Variants in CD36 observed in about 807,000 individuals in gnomAD.
CD36 encodes platelet glycoprotein 4.
A neutral mutation model predicts 55.2 loss-of-function variants in CD36; 119 were observed. That is an observed-to-expected ratio of 2.15 (90% CI 1.86 to 2.51). The LOEUF (loss-of-function observed/expected upper bound fraction) is 2.51. Ranked by LOEUF, CD36 falls within the 30% of genes most tolerant of loss-of-function variation. CD36 has a pLI of 0.00. For synonymous variants in CD36, 186 were observed against 193.6 expected, an observed-to-expected ratio of 0.96 and a Z score of 0.33; for missense variants, 819 against 555.5, an observed-to-expected ratio of 1.47 and a Z score of -4.77.
At chr7:80,659,727 A>T (rs3211883) in intron 4 of CD36, among the ~76,000 whole-genome samples, 114,664 of 152,006 alleles carry the variant, frequency 0.75, 46,434 homozygotes, top group Middle Eastern at 0.91. Context: ...TTGTTTTAAT[A>T]TATGGGCATA....
chr7:80,677,828 A>G lies in CD36; in HGVS notation c.*1445A>G, dbSNP rs1798207451. 1 of 152,212 alleles carries G rather than the reference A, an allele frequency of 6.6e-6. No individual in the cohort carries two copies. Among genetic ancestry groups the G allele is most frequent in the Non-Finnish European group, 1.5e-5 (1 of 68,048 alleles). The allele number at this position is 152,212 out of a possible 1,614,324, so 9.4% of individuals were successfully genotyped here. On this transcript the variant is annotated 3_prime_UTR_variant, in exon 15 of 15. Transcript: ENST00000447544. ...ATTGACCTGTATATTATGACTAATCATGACTCAGATCTTAATACAGGGATG... is the reference window on the plus strand; with the variant it reads ...ATTGACCTGTATATTATGACTAATCGTGACTCAGATCTTAATACAGGGATG...
chr7:80,620,100 T>C (rs1220881774), intron 1 of CD36, among the ~76,000 whole-genome samples: 2 of 151,872 alleles, frequency 1.3e-5, no homozygotes, highest in Admixed American at 1.3e-4. Context: ...AAAAACTTTC[T>C]AAACCATGTT....
intron 1 of CD36, among the ~76,000 whole-genome samples, chr7:80,604,987 T>A (rs1408052244): frequency 1.3e-5 from 2 of 152,114 alleles, no homozygotes; most frequent in Admixed American, 1.3e-4. Context: ...GCAAATGCCA[T>A]TGCAAGATCT....
In CD36 at chr7:80,663,034, C is replaced by T. The variant is rs773093201; in HGVS notation, c.474C>T (p.Leu158=). ...IYQNQFVQMI[L]NSLINKSKSS... ...AAAATCAATTTGTTCAAATGATCCT[C>T]AATTCACTTATTAACAAGTCAAAAT... Residue 158 remains leucine, a synonymous_variant, in exon 6 of 15, where the codon CTC becomes CTT. Transcript: ENST00000447544. 8 of 1,613,278 alleles carry T rather than the reference C, an allele frequency of 5.0e-6. No individual in the cohort carries two copies. Among genetic ancestry groups the T allele is most frequent in the Non-Finnish European group, 6.8e-6 (8 of 1,179,576 alleles).
At chr7:80,603,039 C>A (rs1419236427) in intron 1 of CD36, among the ~76,000 whole-genome samples, 2 of 151,984 alleles carry the variant, frequency 1.3e-5, no homozygotes, top group African/African-American at 4.8e-5. Context: ...TAGAAATTTT[C>A]TTGAGTGTGG....
At chr7:80,636,750 G>A (rs1371329638), upstream of CD36, 1 of 152,048 alleles carries the variant, frequency 6.6e-6, no homozygotes, top group African/African-American at 2.4e-5. Context: ...AATGGGTACA[G>A]CATTTTGCTA....
rs1471603413 is a variant in CD36 at position 80,672,047 on chromosome 7, A to C, written c.1125+7A>C. The C allele has an allele frequency of 6.3e-7, 1 of 1,599,390 alleles. No homozygotes were observed. The highest frequency in any genetic ancestry group is 2.2e-5 in the East Asian group (1 of 44,584). On this transcript the variant is annotated splice_region_variant and intron_variant, in intron 11 of 14. Transcript: ENST00000447544. The stretch of plus-strand genomic sequence containing the variant: ...ATACTTGGATATTGAACCTGTAAGA[A>C]AACACCTTATTGATCTGATTTGGTT...
chr7:80,663,151 A>T lies in CD36; in HGVS notation c.591A>T (p.Thr197=), dbSNP rs141680676. 1,636 of 1,613,532 alleles carry T rather than the reference A, an allele frequency of 1.0e-3. 7 individuals carry two copies. Among genetic ancestry groups the T allele is most frequent in the Non-Finnish European group, 8.4e-4 (987 of 1,179,596 alleles). ...LSLVPYPVTT[T]VGLFYPYNNT... ...TGGTTCCGTACCCTGTTACTACCAC[A>T]GTTGGTCTGTTTTATCCTGTAAGTA... is the stretch of plus-strand genomic sequence containing the variant. The change falls in exon 6 of 15, where the codon ACA becomes ACT. Residue 197 remains threonine (T), a synonymous_variant. Transcript: ENST00000447544.
intron 11 of CD36, 44 bp from the exon 12 acceptor site, chr7:80,672,718 TATAAAATA>T: frequency 8.0e-7 from 1 of 1,246,716 alleles, no homozygotes; most frequent in African/African-American, 1.5e-5. Flanking sequence ...TTTTGAATAG[TATAAAATA>T]ATGTTTTTAA....
intron 1 of CD36, among the ~76,000 whole-genome samples, chr7:80,609,741 T>C (rs975970928): frequency 6.6e-6 from 1 of 152,214 alleles, no homozygotes; most frequent in African/African-American, 2.4e-5. Context: ...CAGAATAATT[T>C]CACACGTAAT....
At chr7:80,671,701 C>T (rs1287848273) in intron 10 of CD36, among the ~76,000 whole-genome samples, 1 of 150,960 alleles carries the variant, frequency 6.6e-6, no homozygotes, top group Non-Finnish European at 1.5e-5. Flanking sequence ...TAAATAAATT[C>T]TTAGTCCATA....
At chr7:80,630,508 G>T (rs1302632238) in intron 1 of CD36, among the ~76,000 whole-genome samples, 1 of 152,032 alleles carries the variant, frequency 6.6e-6, no homozygotes, top group East Asian at 1.9e-4. Context: ...TAAGAGAAAA[G>T]TCTATACTGA....
chr7:80,645,942 C>T (rs985443480), intron 1 of CD36, 146 bp from the exon 2 acceptor site: 1 of 152,128 alleles, frequency 6.6e-6, no homozygotes, highest in Admixed American at 6.5e-5. Context: ...GTTTTTAGGA[C>T]AAGCCATTCA....
chr7:80,656,811 C>CA (rs571892420), intron 4 of CD36, 111 bp downstream of exon 4: 11 of 909,680 alleles, frequency 1.2e-5, no homozygotes, highest in Non-Finnish European at 1.9e-5. Flanking sequence ...ATTTTCTTGC[C>CA]AAAAATATAC....
In CD36 at chr7:80,612,791, G is replaced by A. The variant is rs560526732; in HGVS notation, c.-184+10412G>A. On this transcript the variant is annotated intron_variant, in intron 1 of 13. Coordinates refer to the CD36 transcript ENST00000309881. ...CTTAAATGTATAAGCATTGTGGAAT[G>A]GGCTCAATCTAGCTATTTAACATGT... Among the ~76,000 whole-genome samples, 4 of 152,178 alleles carry A rather than the reference G, an allele frequency of 2.6e-5. No homozygotes were observed. The East Asian group carries it at 5.8e-4, about 22-fold the overall frequency.
rs983419614 is a variant in CD36 at position 80,673,395 on chromosome 7, C to T, written c.1240C>T (p.Leu414Phe). Residue 414 changes from leucine (L) to phenylalanine (F), a missense_variant, in exon 13 of 15, where the codon CTT becomes TTT. Coordinates refer to ENST00000447544, the MANE Select transcript of CD36 (RefSeq NM_001001548.3). ...NLKRNYIVPI[L>F]WLNETGTIGD... The stretch of plus-strand genomic sequence containing the variant: ...GAAGAGGAACTATATTGTGCCTATT[C>T]TTTGGCTTAATGAGGTTTGTATTTG... The T allele has an allele frequency of 1.3e-6, 2 of 1,569,072 alleles. No individual in the cohort carries two copies. The highest frequency in any genetic ancestry group is 1.8e-6 in the Non-Finnish European group (2 of 1,140,060).
At chr7:80,641,991 A>G (rs1794849413) in intron 1 of CD36, among the ~76,000 whole-genome samples, 2 of 152,230 alleles carry the variant, frequency 1.3e-5, no homozygotes, top group Admixed American at 6.5e-5. Flanking sequence ...AAGATGACCC[A>G]ACGGAATAGG....
chr7:80,651,761 T>A (rs760343387), intron 3 of CD36, among the ~76,000 whole-genome samples: 5 of 151,936 alleles, frequency 3.3e-5, no homozygotes, highest in Admixed American at 2.6e-4. Context: ...TACAAAAAAA[T>A]TAGCTGGATA....
intron 1 of CD36, among the ~76,000 whole-genome samples, chr7:80,643,629 C>T (rs1176213674): frequency 2.0e-5 from 3 of 152,074 alleles, no homozygotes; most frequent in African/African-American, 7.2e-5. Flanking sequence ...GAAACAGAGT[C>T]TCTGGGTTTC....
Sources: allele counts gnomAD v4.1 joint callset (sites outside exome capture counted in the v4.1 genomes callset), GRCh38; gene constraint gnomAD v4.1.1; transcripts MANE v1.5; gene names NCBI Gene and HGNC (gene_info 2026-07-23, HGNC 2026-07-21).